Variants in KIRREL3 observed in about 807,000 individuals in gnomAD.
KIRREL3 encodes kirre like nephrin family adhesion molecule 3, also known as kin of IRRE-like protein 3.
A neutral mutation model predicts 89.7 loss-of-function variants in KIRREL3; 36 were observed. That is an observed-to-expected ratio of 0.40 (90% CI 0.31 to 0.53). KIRREL3 has a LOEUF of 0.53. KIRREL3 is among the 20% of genes least tolerant of loss of function. The pLI, the probability that KIRREL3 is intolerant of heterozygous loss-of-function variation, is 0.49. For missense variants in KIRREL3, 864 were observed against 1,056.6 expected, an observed-to-expected ratio of 0.82 and a Z score of 2.53; for synonymous variants, 445 against 441.4, an observed-to-expected ratio of 1.01 and a Z score of -0.10.
At chr11:126,663,358 TG>T (rs1185699344) in intron 1 of KIRREL3, among the ~76,000 whole-genome samples, 1 of 151,980 alleles carries the variant, frequency 6.6e-6, no homozygotes, top group Non-Finnish European at 1.5e-5. Context: ...GCTAATTTTT[TG>T]TATTTTTAGT....
At chr11:126,887,724 G>A (rs1945753164) in intron 1 of KIRREL3, among the ~76,000 whole-genome samples, 1 of 152,238 alleles carries the variant, frequency 6.6e-6, no homozygotes. Flanking sequence ...TTGGTACAGT[G>A]AAAAGAAGGC....
At position 126,614,706 on chromosome 11, in the gene KIRREL3, C is replaced by T. The variant is rs1943272213; in HGVS notation, c.56-51794G>A. ...AGCCAAGGCTGGTGAGATGTATTTG[C>T]AGACAAGTGGGCCGCAATCACAGGA... On this transcript the variant is annotated intron_variant, in intron 1 of 16. Coordinates refer to ENST00000525144, the MANE Select transcript of KIRREL3 (RefSeq NM_032531.4). This position sits in a 1 kb window ranked among gnomAD's most constrained non-coding sequence, Gnocchi z 4.6. Among the ~76,000 whole-genome samples, 2 of 152,176 alleles carry T rather than the reference C, an allele frequency of 1.3e-5. No individual in the cohort carries two copies. Among genetic ancestry groups the T allele is most frequent in the South Asian group, 4.1e-4 (2 of 4,826 alleles).
intron 4 of KIRREL3, among the ~76,000 whole-genome samples, chr11:126,506,598 T>A (rs1958023783): frequency 6.6e-6 from 1 of 152,238 alleles, no homozygotes; most frequent in Non-Finnish European, 1.5e-5. Context: ...GAAACTGGAA[T>A]GCTCATTTAT....
chr11:126,738,541 T>A (rs971135358), intron 1 of KIRREL3, among the ~76,000 whole-genome samples: 1 of 152,168 alleles, frequency 6.6e-6, no homozygotes, highest in Non-Finnish European at 1.5e-5. Context: ...TCCTATTTTT[T>A]TTCCCCCTAG....
At chr11:126,728,952 G>A (rs996403537) in intron 1 of KIRREL3, among the ~76,000 whole-genome samples, 93 of 152,368 alleles carry the variant, frequency 6.1e-4, no homozygotes, top group African/African-American at 2.2e-3. Flanking sequence ...GGGGCAGAGG[G>A]AGGAGGGCAA....
At chr11:126,785,711 T>C (rs1019546082) in intron 1 of KIRREL3, among the ~76,000 whole-genome samples, 2 of 151,690 alleles carry the variant, frequency 1.3e-5, no homozygotes, top group Admixed American at 6.6e-5. Flanking sequence ...CTGTCTCTAC[T>C]GAAATACAAA....
rs544817780 is a variant in KIRREL3 at position 126,564,847 on chromosome 11, A to G, written c.56-1935T>C. 6.6e-6 allele frequency among the ~76,000 whole-genome samples: 1 copy of G among 152,358 alleles called. No homozygotes were observed. The highest frequency in any genetic ancestry group is 1.5e-5 in the Non-Finnish European group (1 of 68,030). Reference sequence around the variant, plus strand: ...AGCTCCCTGGAACAATAGCCTCTCGAGGGAGACTGTATTGAAACCTCAACA... The same window carrying G: ...AGCTCCCTGGAACAATAGCCTCTCGGGGGAGACTGTATTGAAACCTCAACA... On this transcript the variant is annotated intron_variant, in intron 1 of 16. Coordinates refer to ENST00000525144, the MANE Select transcript of KIRREL3 (RefSeq NM_032531.4). The surrounding 1 kb of genome is among the most constrained non-coding windows in gnomAD (Gnocchi z 7.4).
Position 126,537,835 on chromosome 11 carries a change from C to A in KIRREL3, c.134-11148G>T, listed in dbSNP as rs75522292. 0.027 allele frequency among the ~76,000 whole-genome samples: 4,119 copies of A among 152,374 alleles called. 192 individuals are homozygous for A. The highest frequency in any genetic ancestry group is 0.091 in the African/African-American group (3,796 of 41,584). ...TCATTCTTACTTTCGTCACTATCCA[C>A]AAGTCTTTCCTGAGCTTGGGACTGT... On this transcript the variant is annotated intron_variant, in intron 2 of 16. Transcript: ENST00000525144. The surrounding 1 kb of genome is among the most constrained non-coding windows in gnomAD (Gnocchi z 4.3).
rs1302356854 is a variant in KIRREL3 at position 126,918,786 on chromosome 11, A to G, written c.55+81669T>C. Among the ~76,000 whole-genome samples the G allele has an allele frequency of 6.6e-6, 1 of 152,180 alleles. No homozygotes were observed. The highest frequency in any genetic ancestry group is 1.9e-4 in the East Asian group (1 of 5,196). On this transcript the variant is annotated intron_variant, in intron 1 of 16. Coordinates refer to ENST00000525144, the MANE Select transcript of KIRREL3 (RefSeq NM_032531.4). This position sits in a 1 kb window ranked among gnomAD's most constrained non-coding sequence, Gnocchi z 6.5. ...CATTGTAATCAATTGCAGGGTGTGC[A>G]AGGCCTTCCTGATGTCTGCATGTTA...
At chr11:126,785,417 T>A (rs768414910) in intron 1 of KIRREL3, among the ~76,000 whole-genome samples, 1 of 152,148 alleles carries the variant, frequency 6.6e-6, no homozygotes, top group East Asian at 1.9e-4. Context: ...ACTTGTCCCT[T>A]CCTTGTCCAT....
intron 1 of KIRREL3, among the ~76,000 whole-genome samples, chr11:126,915,058 G>C (rs1946982927): frequency 6.6e-6 from 1 of 152,114 alleles, no homozygotes; most frequent in Non-Finnish European, 1.5e-5. Context: ...TTTGGGAGAA[G>C]AGACTGTTAT....
In KIRREL3 at chr11:126,562,755, G is replaced by C; in HGVS notation, c.133+80C>G. ...TGAGAGGTCCCAGGTTCTTATTCCTGGTTCCTCTGTCCTGTGGCTGTAGGG... is the reference window on the plus strand; with the variant it reads ...TGAGAGGTCCCAGGTTCTTATTCCTCGTTCCTCTGTCCTGTGGCTGTAGGG... On this transcript the variant is annotated intron_variant, in intron 2 of 16. Transcript: ENST00000525144. The surrounding 1 kb of genome is among the most constrained non-coding windows in gnomAD (Gnocchi z 4.7). 1 of 1,220,450 alleles carries C rather than the reference G, an allele frequency of 8.2e-7. No homozygotes were observed. The highest frequency in any genetic ancestry group is 1.2e-6 in the Non-Finnish European group (1 of 832,134). The allele number at this position is 1,220,450 out of a possible 1,614,324, so 75.6% of individuals were successfully genotyped here. A position where few individuals can be genotyped will look rare whatever the true frequency, so the allele number is the denominator to read the frequency against.
Position 126,682,754 on chromosome 11 carries a change from G to T in KIRREL3, c.56-119842C>A, listed in dbSNP as rs1455895658. On this transcript the variant is annotated intron_variant, in intron 1 of 16. Coordinates refer to ENST00000525144, the MANE Select transcript of KIRREL3 (RefSeq NM_032531.4). This position sits in a 1 kb window ranked among gnomAD's most constrained non-coding sequence, Gnocchi z 4.8. ...GCTGGTGCTCCTAGGAGAATCTAAC[G>T]CCTCTGCTGATCTGACAGGAGGCAG... Among the ~76,000 whole-genome samples, 1 of 152,094 alleles carries T rather than the reference G, an allele frequency of 6.6e-6. No individual in the cohort carries two copies. The highest frequency in any genetic ancestry group is 2.1e-4 in the South Asian group (1 of 4,814).
At chr11:126,506,937 T>C (rs1326841560) in intron 4 of KIRREL3, among the ~76,000 whole-genome samples, 1 of 152,314 alleles carries the variant, frequency 6.6e-6, no homozygotes, top group Non-Finnish European at 1.5e-5. Flanking sequence ...CAGCATTCTT[T>C]ATAATAGCCC....
intron 1 of KIRREL3, chr11:126,681,981 G>A (rs1458116973): frequency 2.3e-6 from 1 of 432,296 alleles, no homozygotes; most frequent in East Asian, 7.1e-5. Context: ...AAGAACAGAT[G>A]AGTTTGGGAA....
rs1371936162 is a variant in KIRREL3, at chr11:126,808,059, A to G, written c.55+192396T>C. 1.3e-5 allele frequency among the ~76,000 whole-genome samples: 2 copies of G among 152,136 alleles called. No individual in the cohort carries two copies. The highest frequency in any genetic ancestry group is 2.9e-5 in the Non-Finnish European group (2 of 68,040). ...GTCTGAACTAGTGTGGATTAGGAGGAAGGTGAGCAAAGATGTTGCACTGCA... is the reference window on the plus strand; with the variant it reads ...GTCTGAACTAGTGTGGATTAGGAGGGAGGTGAGCAAAGATGTTGCACTGCA... On this transcript the variant is annotated intron_variant, in intron 1 of 16. Coordinates refer to ENST00000525144, the MANE Select transcript of KIRREL3 (RefSeq NM_032531.4). This position sits in a 1 kb window ranked among gnomAD's most constrained non-coding sequence, Gnocchi z 4.1.
chr11:126,427,432 G>C lies in KIRREL3; in HGVS notation c.1807-1708C>G, dbSNP rs568721551. On this transcript the variant is annotated intron_variant, in intron 15 of 16. Transcript: ENST00000525144. This position sits in a 1 kb window ranked among gnomAD's most constrained non-coding sequence, Gnocchi z 5.3. ...GGGAGAGCAGAAGGTGCACAGCTCC[G>C]CCAGGGGTGGGGAGGACAAGCCCGG... Among the ~76,000 whole-genome samples, 1 of 152,282 alleles carries C rather than the reference G, an allele frequency of 6.6e-6. No homozygotes were observed. The highest frequency in any genetic ancestry group is 2.4e-5 in the African/African-American group (1 of 41,564).
chr11:126,873,947 CT>C (rs1056518010), intron 1 of KIRREL3, among the ~76,000 whole-genome samples: 3 of 152,138 alleles, frequency 2.0e-5, no homozygotes, highest in Admixed American at 6.5e-5. Context: ...CTGCTAAAAA[CT>C]TTTTTTTCCA....
At chr11:126,929,273 C>A (rs1442731238) in intron 1 of KIRREL3, among the ~76,000 whole-genome samples, 3 of 151,934 alleles carry the variant, frequency 2.0e-5, no homozygotes, top group African/African-American at 7.3e-5. Context: ...GGGATGAGTC[C>A]CAGAGCCTCC....
Sources: gnomAD v4.1 joint callset for allele counts (sites outside exome capture counted in the v4.1 genomes callset) on GRCh38, gnomAD v4.1.1 for gene constraint, Gnocchi (gnomAD v3.1) non-coding constraint, MANE v1.5 for transcripts, NCBI Gene and HGNC (gene_info 2026-07-23, HGNC 2026-07-21) for gene names.